The following FBF1 variants were observed in gnomAD, a reference collection of about 807,000 sequenced individuals.
FBF1 encodes the protein Fas binding factor 1.
Under a neutral mutation model 147.2 loss-of-function variants are expected in FBF1, and 119 were observed. The observed-to-expected ratio is 0.81, with a 90% CI of 0.70 to 0.94. FBF1 has a LOEUF of 0.94. Among genes scored for constraint, FBF1 ranks in the 40% least tolerant of loss-of-function variants. The pLI is 0.00. For synonymous variants in FBF1, 601 were observed against 609.0 expected (o/e 0.99, Z 0.19); for missense variants, 1,449 against 1,500.8 (o/e 0.97, Z 0.57).
rs1389149715 is a variant in FBF1, at chr17:75,931,281, A to G, written c.176T>C (p.Leu59Pro). The G allele has an allele frequency of 6.3e-6, 10 of 1,583,456 alleles. No individual in the cohort carries two copies. Among genetic ancestry groups the G allele is most frequent in the Non-Finnish European group, 8.6e-6 (10 of 1,165,024 alleles). Residue 59 changes from leucine to proline, a missense_variant, in exon 6 of 30, where the codon CTG (leucine) becomes CCG (proline). By Grantham distance (98) the Leu-to-Pro change is moderately conservative. Transcript: ENST00000636174. ...CATGGTGCTGAAGACATCATCACCC[A>G]GGAGGGACCTGCAAAGGGGAGGCGT... ...PSSKARTKSL[L>P]GDDVFSTMAG...
At chr17:75,920,546 G>C (rs2065519321) in intron 17 of FBF1, 117 bp from the exon 18 acceptor site, 2 of 1,144,028 alleles carry the variant, frequency 1.7e-6, no homozygotes, top group Middle Eastern at 3.0e-4. Context: ...TGTGGCTGCA[G>C]ATGGGGCCAA....
In FBF1 at chr17:75,909,798, C is replaced by A; in HGVS notation, c.*925G>T. ...TGCCTGTTCTTTGGGACTTGTCCAG[C>A]AAATAACAGGAAACATTTTCTAAGA... On this transcript the variant is annotated 3_prime_UTR_variant, in exon 30 of 30. Coordinates refer to ENST00000636174, the MANE Select transcript of FBF1 (RefSeq NM_001319193.2). The A allele has an allele frequency of 6.2e-6, 4 of 646,242 alleles. No individual in the cohort carries two copies. Among genetic ancestry groups the A allele is most frequent in the South Asian group, 1.7e-5 (1 of 58,976 alleles). The allele number at this position is 646,242 out of a possible 1,614,324, so 40.0% of individuals were successfully genotyped here.
At position 75,918,336 on chromosome 17, in the gene FBF1, TGGAA is replaced by T; in HGVS notation, c.2139-71_2139-68del. ...ATCACCCTGATGCGGTAACTCCTTGTGGAAGGGTGTGTTTCCGTGCAGCCCTTGC... is the reference window on the plus strand; with the variant it reads ...ATCACCCTGATGCGGTAACTCCTTGTGGGTGTGTTTCCGTGCAGCCCTTGC... On this transcript the variant is annotated intron_variant, in intron 20 of 29. Coordinates refer to ENST00000636174, the MANE Select transcript of FBF1 (RefSeq NM_001319193.2). This position sits in a 1 kb window ranked among gnomAD's most constrained non-coding sequence, Gnocchi z 5.8. 1.5e-6 allele frequency: 2 copies of T among 1,345,976 alleles called. No individual in the cohort carries two copies. The highest frequency in any genetic ancestry group is 2.1e-6 in the Non-Finnish European group (2 of 964,940). 83.4% of individuals were successfully genotyped at this position (1,345,976 alleles called of 1,614,324 possible).
At chr17:75,914,585 C>T (rs1226630904) in intron 25 of FBF1, 162 bp downstream of exon 25, 2 of 834,284 alleles carry the variant, frequency 2.4e-6, no homozygotes, top group Admixed American at 3.0e-5. Context: ...TGGGACAATA[C>T]GAGGAAGATG....
Position 75,914,204 on chromosome 17 carries a change from T to G in FBF1, c.2909A>C (p.Glu970Ala). ...GATCCTCTCCTTCTCCAGCCGCAGC[T>G]CCTGCCGCTCCTGCTCCAGGGCTGC... is the stretch of plus-strand genomic sequence containing the variant. ...ERAALEQERQELRLEKERINA... is the reference protein window; with the variant it reads ...ERAALEQERQALRLEKERINA... The change falls in exon 26 of 30, where the codon GAG becomes GCG. Residue 970 changes from glutamate (E) to alanine (A), a missense_variant. Physicochemically the swap from Glu to Ala is moderately radical, Grantham distance 107. Coordinates refer to ENST00000636174, the MANE Select transcript of FBF1 (RefSeq NM_001319193.2). 1.9e-6 allele frequency: 3 copies of G among 1,591,496 alleles called. No homozygotes were observed. Among genetic ancestry groups the G allele is most frequent in the South Asian group, 2.3e-5 (2 of 87,552 alleles).
chr17:75,917,523 TG>T (rs11284627), intron 23 of FBF1, among the ~76,000 whole-genome samples: 152,283 of 152,284 alleles, frequency 1, 76,141 homozygotes, highest in Non-Finnish European at 1. Flanking sequence ...CAGGGCGTGG[TG>T]GGGGGCCTGG....
chr17:75,929,957 C>CCCCCCCCCCCCCCT, intron 7 of FBF1, 40 bp downstream of exon 7: 1 of 1,033,100 alleles, frequency 9.7e-7, no homozygotes, highest in Non-Finnish European at 1.5e-6. Flanking sequence ...CCCACCCCAC[C>CCCCCCCCCCCCCCT]CACCCCCAGT....
intron 2 of FBF1, 47 bp from the exon 3 acceptor site, chr17:75,937,640 A>G (rs2065633006): frequency 6.2e-7 from 1 of 1,609,820 alleles, no homozygotes; most frequent in African/African-American, 1.3e-5. Context: ...AACAGTGAAC[A>G]CAGGTGGAAA....
chr17:75,918,269 C>T lies in FBF1; in HGVS notation c.2139G>A (p.Arg713=). The stretch of plus-strand genomic sequence containing the variant: ...CTCTGCGCATGTCTAGGATGGACGC[C>T]CTGAGGGGAGGCGGGAGGGGAAGGC... ...QEMERLRELQ[R]ASILDMRRDH... Residue 713 remains arginine, a splice_region_variant and synonymous_variant, in exon 21 of 30, where the codon CGG becomes CGA. Coordinates refer to ENST00000636174, the MANE Select transcript of FBF1 (RefSeq NM_001319193.2). This position sits in a 1 kb window ranked among gnomAD's most constrained non-coding sequence, Gnocchi z 5.8. 1 of 1,611,688 alleles carries T rather than the reference C, an allele frequency of 6.2e-7. No individual in the cohort carries two copies. Among genetic ancestry groups the T allele is most frequent in the Non-Finnish European group, 8.5e-7 (1 of 1,178,730 alleles).
rs1375021126 is a variant in FBF1, at chr17:75,918,427, C to T, written c.2139-158G>A. 2.0e-5 allele frequency among the ~76,000 whole-genome samples: 3 copies of T among 152,220 alleles called. No individual in the cohort carries two copies. The highest frequency in any genetic ancestry group is 7.2e-5 in the African/African-American group (3 of 41,470). The stretch of plus-strand genomic sequence containing the variant: ...TCCCCAGCTCCTCTGTCTTATCTGT[C>T]ATGGTGCCTCAATGCTACACGCACT... On this transcript the variant is annotated intron_variant, in intron 20 of 29. Coordinates refer to ENST00000636174, the MANE Select transcript of FBF1 (RefSeq NM_001319193.2). The surrounding 1 kb of genome is among the most constrained non-coding windows in gnomAD (Gnocchi z 5.8).
At chr17:75,920,571 A>G (rs2065519468) in intron 17 of FBF1, 142 bp from the exon 18 acceptor site, 3 of 874,008 alleles carry the variant, frequency 3.4e-6, no homozygotes, top group Non-Finnish European at 1.7e-6. Flanking sequence ...TTGGAAAGTA[A>G]CAGTCACTGC....
Position 75,910,602 on chromosome 17 carries a change from C to G in FBF1, c.*121G>C. On this transcript the variant is annotated 3_prime_UTR_variant, in exon 30 of 30. Coordinates refer to ENST00000636174, the MANE Select transcript of FBF1 (RefSeq NM_001319193.2). This position sits in a 1 kb window ranked among gnomAD's most constrained non-coding sequence, Gnocchi z 4.1. ...CACTTGCACCCTGTCCACGGAAGAG[C>G]TGTCATCAGGCCTCAAGCATCTCAG... 1 of 821,956 alleles carries G rather than the reference C, an allele frequency of 1.2e-6. No individual in the cohort carries two copies. The highest frequency in any genetic ancestry group is 1.7e-5 in the South Asian group (1 of 60,322). The allele number at this position is 821,956 out of a possible 1,614,324, so 50.9% of individuals were successfully genotyped here.
At position 75,923,819 on chromosome 17, in the gene FBF1, C is replaced by T. The variant is rs565673310; in HGVS notation, c.969-178G>A. Among the ~76,000 whole-genome samples the T allele has an allele frequency of 1.9e-4, 29 of 152,214 alleles. No individual in the cohort carries two copies. The highest frequency in any genetic ancestry group is 4.1e-4 in the African/African-American group (17 of 41,438). On this transcript the variant is annotated intron_variant, in intron 13 of 29. Coordinates refer to ENST00000636174, the MANE Select transcript of FBF1 (RefSeq NM_001319193.2). This position sits in a 1 kb window ranked among gnomAD's most constrained non-coding sequence, Gnocchi z 4.1. ...GCCACGTGCTGTCTGTAGAACACCA[C>T]GAAGTACAGAGACCTTGACTTCCAT...
intron 25 of FBF1, 177 bp downstream of exon 25, chr17:75,914,570 G>A: frequency 1.2e-6 from 1 of 819,978 alleles, no homozygotes; most frequent in Non-Finnish European, 1.9e-6. Context: ...TGTGTATAAT[G>A]CACCTGGGAC....
chr17:75,912,435 G>T, intron 28 of FBF1, 128 bp from the exon 29 acceptor site: 1 of 628,108 alleles, frequency 1.6e-6, no homozygotes, highest in South Asian at 2.1e-5. Context: ...AGGGTGCAAT[G>T]GCACTAACTC....
At chr17:75,937,516 G>A in intron 3 of FBF1, 50 bp downstream of exon 3, 1 of 1,604,984 alleles carries the variant, frequency 6.2e-7, no homozygotes. Context: ...GACCAAAGGG[G>A]AAAAAGATAT....
rs1279981189 is a variant in FBF1 at position 75,941,007 on chromosome 17, C to T, written c.-243G>A. Reference sequence around the variant, plus strand: ...CGCCCAGCCCGGCCAGGACTGGCCTCCCGCTTCCAGCCGCTGCCGGCACCC... The same window carrying T: ...CGCCCAGCCCGGCCAGGACTGGCCTTCCGCTTCCAGCCGCTGCCGGCACCC... On this transcript the variant is annotated 5_prime_UTR_variant, in exon 1 of 30. Coordinates refer to ENST00000636174, the MANE Select transcript of FBF1 (RefSeq NM_001319193.2). 1 of 152,276 alleles carries T rather than the reference C, an allele frequency of 6.6e-6. No individual in the cohort carries two copies. Among genetic ancestry groups the T allele is most frequent in the African/African-American group, 2.4e-5 (1 of 41,472 alleles). 9.4% of individuals were successfully genotyped at this position (152,276 alleles called of 1,614,324 possible). A position where few individuals can be genotyped will look rare whatever the true frequency, so the allele number is the denominator to read the frequency against.
rs1260749656 is a variant in FBF1 at position 75,922,371 on chromosome 17, G to A, written c.1425-325C>T. 1.3e-5 allele frequency among the ~76,000 whole-genome samples: 2 copies of A among 152,148 alleles called. No individual in the cohort carries two copies. Among genetic ancestry groups the A allele is most frequent in the African/African-American group, 4.8e-5 (2 of 41,416 alleles). ...GTTCCAGTCCACTTAACTTGGCTCA[G>A]CTCTAGATTAGGATTCTGCTCAGTC... is the stretch of plus-strand genomic sequence containing the variant. On this transcript the variant is annotated intron_variant, in intron 14 of 29. Coordinates refer to ENST00000636174, the MANE Select transcript of FBF1 (RefSeq NM_001319193.2). This position sits in a 1 kb window ranked among gnomAD's most constrained non-coding sequence, Gnocchi z 5.0.
chr17:75,914,766 G>C lies in FBF1; in HGVS notation c.2795C>G (p.Thr932Ser), dbSNP rs1335014979. 1 of 1,580,762 alleles carries C rather than the reference G, an allele frequency of 6.3e-7. No homozygotes were observed. Among genetic ancestry groups the C allele is most frequent in the Non-Finnish European group, 8.6e-7 (1 of 1,164,674 alleles). Residue 932 changes from threonine to serine, a missense_variant, in exon 25 of 30, where the codon ACC becomes AGC. By Grantham distance (58) the Thr-to-Ser change is moderately conservative. Transcript: ENST00000636174. ...ALQVDTQREG[T>S]LISLAKEQAE... ...CCCTACCTTGGCCAGGCTGATGAGG[G>C]TGCCCTCCCGCTGGGTGTCCACCTG... is the stretch of plus-strand genomic sequence containing the variant.
Sources: allele counts gnomAD v4.1 joint callset (sites outside exome capture counted in the v4.1 genomes callset), GRCh38; gene constraint gnomAD v4.1.1; non-coding constraint Gnocchi (gnomAD v3.1); transcripts MANE v1.5; gene names NCBI Gene and HGNC (gene_info 2026-07-23, HGNC 2026-07-21).